MACF1: variants seen among roughly 807,000 people sequenced by gnomAD.
The protein encoded by MACF1 is microtubule-actin cross-linking factor 1.
A neutral mutation model predicts 854.8 loss-of-function variants in MACF1; 193 were observed. The observed-to-expected ratio is 0.23, with a 90% CI of 0.20 to 0.25. MACF1 has a LOEUF of 0.25. MACF1 is among the 10% of genes least tolerant of loss of function. The pLI, the probability that MACF1 is intolerant of heterozygous loss-of-function variation, is 1.00. For synonymous variants in MACF1, 3,185 were observed against 3,226.7 expected, an observed-to-expected ratio of 0.99 and a Z score of 0.44; for missense variants, 7,722 against 8,929.1, an observed-to-expected ratio of 0.86 and a Z score of 5.45.
At position 39,340,729 on chromosome 1, in the gene MACF1, C is replaced by A. The variant is rs747318300; in HGVS notation, c.10431+12C>A. 6.2e-7 allele frequency: 1 copy of A among 1,613,308 alleles called. No homozygotes were observed. Among genetic ancestry groups the A allele is most frequent in the South Asian group, 1.1e-5 (1 of 91,004 alleles). On this transcript the variant is annotated intron_variant, in intron 39 of 100. Coordinates refer to ENST00000564288, the MANE Select transcript of MACF1 (RefSeq NM_001394062.1). ...TGGAAATAGAAAAGGTAGCATTTTG[C>A]TTTTATTCATAAAGGCTCACAAAGT...
At chr1:39,459,703 A>G (rs1644513644) in intron 91 of MACF1, 3 of 522,816 alleles carry the variant, frequency 5.7e-6, no homozygotes, top group South Asian at 4.4e-5. Flanking sequence ...GATCATGAGA[A>G]GCAACTCTAT....
chr1:39,208,577 C>T (rs947298528), intron 1 of MACF1, among the ~76,000 whole-genome samples: 6 of 152,122 alleles, frequency 3.9e-5, no homozygotes, highest in African/African-American at 1.4e-4. Context: ...ACTCAACCTC[C>T]CGAGTAGCTG....
Position 39,299,997 on chromosome 1 carries a change from A to G in MACF1, c.2482-213A>G, listed in dbSNP as rs573781155. 2.2e-4 allele frequency among the ~76,000 whole-genome samples: 33 copies of G among 152,300 alleles called. 1 individual carries two copies. The highest frequency in any genetic ancestry group is 7.9e-4 in the African/African-American group (33 of 41,562). ...AAAGTGGCACAGGGAGAAAGCTGCAAAGTTTGAGTGCGAAAGCACTTGGTA... is the reference window on the plus strand; with the variant it reads ...AAAGTGGCACAGGGAGAAAGCTGCAGAGTTTGAGTGCGAAAGCACTTGGTA... On this transcript the variant is annotated intron_variant, in intron 21 of 100. Coordinates refer to ENST00000564288, the MANE Select transcript of MACF1 (RefSeq NM_001394062.1).
intron 1 of MACF1, among the ~76,000 whole-genome samples, chr1:39,227,939 G>A (rs1215988807): frequency 1.3e-5 from 2 of 152,134 alleles, no homozygotes; most frequent in Non-Finnish European, 2.9e-5. Context: ...TCCCTACCCA[G>A]GTAGGCTTAA....
chr1:39,200,937 C>A (rs1410664791), upstream of MACF1, among the ~76,000 whole-genome samples: 3 of 152,118 alleles, frequency 2.0e-5, no homozygotes, highest in Non-Finnish European at 1.5e-5. Context: ...GGAAGTTTCA[C>A]TTGAATGTCT....
intron 26 of MACF1, among the ~76,000 whole-genome samples, chr1:39,314,468 C>T (rs916822440): frequency 1.3e-5 from 2 of 151,796 alleles, no homozygotes; most frequent in African/African-American, 4.8e-5. Flanking sequence ...CACACACACA[C>T]GTGTTACATA....
At chr1:39,396,878 T>C (rs927924878) in intron 58 of MACF1, among the ~76,000 whole-genome samples, 7 of 152,212 alleles carry the variant, frequency 4.6e-5, no homozygotes, top group African/African-American at 1.7e-4. Flanking sequence ...AAAACCCAGC[T>C]ATGGGTAGAA....
intron 1 of MACF1, 60 bp from the exon 2 acceptor site, chr1:39,231,122 C>G: frequency 8.0e-7 from 1 of 1,254,724 alleles, no homozygotes; most frequent in Non-Finnish European, 1.2e-6. Context: ...AGGGCAGCAG[C>G]GTGGGAACCT....
intron 2 of MACF1, among the ~76,000 whole-genome samples, chr1:39,128,170 C>T (rs1445986270): frequency 6.6e-6 from 1 of 151,934 alleles, no homozygotes; most frequent in Non-Finnish European, 1.5e-5. Flanking sequence ...AGCCTTACCT[C>T]TTATTTATTT....
intron 58 of MACF1, among the ~76,000 whole-genome samples, chr1:39,395,558 T>C (rs1294938799): frequency 1.3e-5 from 2 of 152,234 alleles, no homozygotes; most frequent in Non-Finnish European, 2.9e-5. Flanking sequence ...TGATGATGCA[T>C]TGCCAAAGAG....
chr1:39,177,607 A>C (rs966874657), intron 2 of MACF1, among the ~76,000 whole-genome samples: 1 of 152,122 alleles, frequency 6.6e-6, no homozygotes, highest in Admixed American at 6.6e-5. Flanking sequence ...TGGTGGGGGC[A>C]GGCGTATTTG....
At chr1:39,225,008 C>T (rs998967201) in intron 1 of MACF1, among the ~76,000 whole-genome samples, 12 of 152,136 alleles carry the variant, frequency 7.9e-5, no homozygotes, top group African/African-American at 2.9e-4. Flanking sequence ...AACATACTGA[C>T]ACCCTGTCTC....
chr1:39,275,240 G>A (rs565350582), intron 6 of MACF1, among the ~76,000 whole-genome samples: 135 of 152,026 alleles, frequency 8.9e-4, no homozygotes, highest in Non-Finnish European at 1.5e-3. Context: ...CGCCATGCCC[G>A]GTTAATTTTG....
At chr1:39,262,348 C>G (rs1450347764) in intron 6 of MACF1, among the ~76,000 whole-genome samples, 1 of 121,294 alleles carries the variant, frequency 8.2e-6, no homozygotes, top group African/African-American at 3.1e-5. Flanking sequence ...CTGCAGTGAG[C>G]TGAAATTGTG....
chr1:39,317,192 T>C lies in MACF1; in HGVS notation c.3589-22T>C, dbSNP rs1288315529. The stretch of plus-strand genomic sequence containing the variant: ...TTAGCATGGAAAGTATACAACCTGT[T>C]TCTGTACTTATGTTTCCACAGCACT... On this transcript the variant is annotated intron_variant, in intron 28 of 100. Transcript: ENST00000564288. 5 of 1,610,180 alleles carry C rather than the reference T, an allele frequency of 3.1e-6. No individual in the cohort carries two copies. In the Admixed American group the frequency reaches 8.4e-5, roughly 27 times the overall value.
At chr1:39,384,960 T>C (rs1455773380) in intron 56 of MACF1, among the ~76,000 whole-genome samples, 1 of 152,264 alleles carries the variant, frequency 6.6e-6, no homozygotes, top group African/African-American at 2.4e-5. Flanking sequence ...AAGCAATTGT[T>C]AAGTGATACT....
chr1:39,268,968 G>A, intron 6 of MACF1: 1 of 1,286,596 alleles, frequency 7.8e-7, no homozygotes, highest in Non-Finnish European at 1.0e-6. Context: ...TTTGCTGCCT[G>A]GGGACTCAGC....
Position 39,333,841 on chromosome 1 carries a change from A to G in MACF1, c.7253A>G (p.Lys2418Arg), listed in dbSNP as rs764416675. 73 of 1,614,106 alleles carry G rather than the reference A, an allele frequency of 4.5e-5. No homozygotes were observed. The highest frequency in any genetic ancestry group is 6.2e-5 in the Non-Finnish European group (73 of 1,180,056). The change falls in exon 37 of 101, where the codon AAA becomes AGA. Residue 2418 changes from lysine to arginine, a missense_variant. Coordinates refer to ENST00000564288, the MANE Select transcript of MACF1 (RefSeq NM_001394062.1). ...GGAATTATTGATCTGAAACGAGGCA[A>G]AAAAGTTTCAGTAACTTTGGCCTCA... ...TGGIIDLKRG[K>R]KVSVTLASTL...
rs369620780 is a variant in MACF1, at chr1:39,430,860, T to A, written c.17289T>A (p.Ile5763=). 15 of 1,612,538 alleles carry A rather than the reference T, an allele frequency of 9.3e-6. No homozygotes were observed. In the African/African-American group the frequency reaches 1.3e-4, roughly 14 times the overall value. The change falls in exon 66 of 101, where the codon ATT becomes ATA. Residue 5763 remains isoleucine, a synonymous_variant. Coordinates refer to ENST00000564288, the MANE Select transcript of MACF1 (RefSeq NM_001394062.1). The part of the protein sequence containing the change: ...NEQYKLVSDT[I]GQRVDEIDAA... ...AGTACAAACTAGTCAGTGACACTAT[T>A]GGACAAAGGGTGGATGAAATTGATG... is the stretch of plus-strand genomic sequence containing the variant.
Sources: gnomAD v4.1 joint callset for allele counts (sites outside exome capture counted in the v4.1 genomes callset) on GRCh38, gnomAD v4.1.1 for gene constraint, MANE v1.5 for transcripts, NCBI Gene and HGNC (gene_info 2026-07-23, HGNC 2026-07-21) for gene names.